Variants in DCDC2 observed in about 807,000 individuals in gnomAD.
The protein encoded by DCDC2 is doublecortin domain containing 2, also known as doublecortin domain-containing protein 2.
DCDC2 carries 40 observed loss-of-function variants against 50.2 expected under a neutral mutation model. The ratio of observed to expected loss-of-function variants is 0.80; its 90% CI spans 0.62 to 1.04. The LOEUF (loss-of-function observed/expected upper bound fraction) is 1.04, where lower values mean the gene tolerates loss of function less well. DCDC2 is among the 50% of genes least tolerant of loss of function. The probability of loss-of-function intolerance (pLI) is 0.00; values close to 1 mark genes in which losing one functional copy is unlikely to be tolerated. For missense variants in DCDC2, 570 were observed against 581.9 expected (o/e 0.98, Z 0.21); for synonymous variants, 234 against 210.6 (o/e 1.11, Z -0.96).
At chr6:24,325,983 A>G (rs1366987739) in intron 2 of DCDC2, among the ~76,000 whole-genome samples, 1 of 149,132 alleles carries the variant, frequency 6.7e-6, no homozygotes, top group Admixed American at 6.7e-5. Context: ...TGAATCCCAG[A>G]CCACAAACTA....
chr6:24,269,241 A>G (rs1343813862), intron 7 of DCDC2, among the ~76,000 whole-genome samples: 1 of 152,238 alleles, frequency 6.6e-6, no homozygotes, highest in Non-Finnish European at 1.5e-5. Context: ...TGGACTAAAT[A>G]CATTTAAGTA....
intron 8 of DCDC2, among the ~76,000 whole-genome samples, chr6:24,179,884 G>T (rs1183980555): frequency 7.4e-6 from 1 of 135,698 alleles, no homozygotes; most frequent in Non-Finnish European, 1.5e-5. Context: ...AACCCGGGAG[G>T]CAGAGCTTGC....
intron 7 of DCDC2, among the ~76,000 whole-genome samples, chr6:24,241,009 C>G (rs940254890): frequency 2.0e-5 from 3 of 152,136 alleles, no homozygotes; most frequent in Non-Finnish European, 4.4e-5. Flanking sequence ...TGCAGGCTTC[C>G]TCGGGTAAAG....
chr6:24,198,399 G>A (rs1297946367), intron 8 of DCDC2, among the ~76,000 whole-genome samples: 1 of 152,156 alleles, frequency 6.6e-6, no homozygotes, highest in Admixed American at 6.5e-5. Flanking sequence ...GGAAGCACAA[G>A]GGGTTGGGGA....
upstream of DCDC2, among the ~76,000 whole-genome samples, chr6:24,362,828 A>G (rs1760691843): frequency 6.6e-6 from 1 of 152,198 alleles, no homozygotes; most frequent in South Asian, 2.1e-4. Flanking sequence ...TTCACAGAAC[A>G]CATTTAACTG....
chr6:24,254,685 C>T (rs896304443), intron 7 of DCDC2, among the ~76,000 whole-genome samples: 6 of 152,064 alleles, frequency 3.9e-5, no homozygotes, highest in African/African-American at 1.4e-4. Context: ...CTAAGTCAGA[C>T]CTGAAATTAA....
At chr6:24,272,380 G>A (rs1456646607) in intron 7 of DCDC2, among the ~76,000 whole-genome samples, 5 of 152,154 alleles carry the variant, frequency 3.3e-5, no homozygotes, top group African/African-American at 9.7e-5. Flanking sequence ...AGTACTTGAT[G>A]TATAAAATCT....
chr6:24,203,996 T>C (rs1477416463), intron 8 of DCDC2, among the ~76,000 whole-genome samples: 1 of 152,134 alleles, frequency 6.6e-6, no homozygotes, highest in Non-Finnish European at 1.5e-5. Flanking sequence ...CAACAGATGC[T>C]GGAGAGGATG....
At chr6:24,328,544 C>T (rs1422272711) in intron 2 of DCDC2, among the ~76,000 whole-genome samples, 1 of 152,140 alleles carries the variant, frequency 6.6e-6, no homozygotes, top group Non-Finnish European at 1.5e-5. Context: ...AGGGCCAAAC[C>T]CACGCCCATG....
At chr6:24,370,302 T>G in the DCDC2 span, among the ~76,000 whole-genome samples, 1 of 152,194 alleles carries the variant, frequency 6.6e-6, no homozygotes, top group Non-Finnish European at 1.5e-5. Flanking sequence ...GGTGGGAATG[T>G]AAAATGGCGC....
the DCDC2 span, among the ~76,000 whole-genome samples, chr6:24,382,044 C>T: frequency 1.3e-5 from 2 of 150,050 alleles, no homozygotes; most frequent in Non-Finnish European, 1.5e-5. Context: ...GCAATTTCTC[C>T]TCCATGGTGA....
intron 7 of DCDC2, among the ~76,000 whole-genome samples, chr6:24,258,633 G>C (rs1190278923): frequency 6.6e-6 from 1 of 152,314 alleles, no homozygotes; most frequent in South Asian, 2.1e-4. Flanking sequence ...GAACCTCAGA[G>C]AGCCAATCCT....
chr6:24,225,459 C>T (rs793841), intron 7 of DCDC2, among the ~76,000 whole-genome samples: 73,544 of 151,840 alleles, frequency 0.48, 20,481 homozygotes, highest in Non-Finnish European at 0.6. Context: ...ACATACTGAA[C>T]GTAGATATGA....
chr6:24,343,214 AT>A (rs1297623221), intron 2 of DCDC2, among the ~76,000 whole-genome samples: 10 of 151,810 alleles, frequency 6.6e-5, no homozygotes, highest in African/African-American at 2.4e-4. Flanking sequence ...TGCCCAGCTA[AT>A]TTTTTGTGTT....
At chr6:24,311,416 T>C (rs1212238800) in intron 2 of DCDC2, among the ~76,000 whole-genome samples, 2 of 152,216 alleles carry the variant, frequency 1.3e-5, no homozygotes, top group African/African-American at 4.8e-5. Context: ...TTATTGGTGC[T>C]TTGAATACAG....
intron 7 of DCDC2, among the ~76,000 whole-genome samples, chr6:24,239,135 C>T (rs1405202241): frequency 6.6e-6 from 1 of 152,132 alleles, no homozygotes; most frequent in Non-Finnish European, 1.5e-5. Context: ...AGTCCTAGCC[C>T]TCAAGCACCT....
intron 7 of DCDC2, among the ~76,000 whole-genome samples, chr6:24,255,025 A>T (rs1351929198): frequency 6.6e-6 from 1 of 152,154 alleles, no homozygotes; most frequent in East Asian, 1.9e-4. Flanking sequence ...TTAAAGAAGA[A>T]CTGAATATGC....
At chr6:24,268,998 T>C (rs1156896345) in intron 7 of DCDC2, among the ~76,000 whole-genome samples, 2 of 152,212 alleles carry the variant, frequency 1.3e-5, no homozygotes, top group African/African-American at 2.4e-5. Flanking sequence ...CTCAAAGGTA[T>C]TTTACAGATA....
intron 5 of DCDC2, among the ~76,000 whole-genome samples, chr6:24,290,527 G>GT (rs1282556216): frequency 8.5e-5 from 13 of 152,054 alleles, no homozygotes; most frequent in Admixed American, 2.0e-4. Context: ...AATATTATGA[G>GT]TTTTTTAACA....
Sources: gnomAD v4.1 joint callset for allele counts (sites outside exome capture counted in the v4.1 genomes callset) on GRCh38, gnomAD v4.1.1 for gene constraint, MANE v1.5 for transcripts, NCBI Gene and HGNC (gene_info 2026-07-23, HGNC 2026-07-21) for gene names.